EXT2: variants seen among roughly 807,000 people sequenced by gnomAD.
The protein encoded by EXT2 is exostosin-2.
EXT2 carries 53 observed loss-of-function variants against 81.6 expected under a neutral mutation model. The ratio of observed to expected loss-of-function variants is 0.65; its 90% confidence interval spans 0.52 to 0.82. The LOEUF (loss-of-function observed/expected upper bound fraction) is 0.82, where lower values mean the gene tolerates loss of function less well. EXT2 is among the 40% of genes least tolerant of loss of function. EXT2 has a pLI of 0.00. For missense variants in EXT2, 774 were observed against 910.2 expected (o/e 0.85, Z 1.93); for synonymous variants, 320 against 340.0 (o/e 0.94, Z 0.65).
chr11:44,225,123 T>C (rs550924384), intron 10 of EXT2, among the ~76,000 whole-genome samples: 1 of 152,306 alleles, frequency 6.6e-6, no homozygotes, highest in South Asian at 2.1e-4. Flanking sequence ...ACCCACGACC[T>C]GATCCTGACC....
Position 44,248,871 on chromosome 11 carries a change from T to G in EXT2, c.*4584T>G, listed in dbSNP as rs1956117009. 6.6e-6 allele frequency among the ~76,000 whole-genome samples: 1 copy of G among 152,188 alleles called. No homozygotes were observed. Among genetic ancestry groups the G allele is most frequent in the Admixed American group, 6.5e-5 (1 of 15,284 alleles). On this transcript the variant is annotated 3_prime_UTR_variant, in exon 14 of 14. Coordinates refer to ENST00000533608, the MANE Select transcript of EXT2 (RefSeq NM_207122.2). ...AAAGTTTGGCCCCCTCTCCCAAGCT[T>G]CCAGGCCTCTTTCCTTTTCAAGAAA...
At chr11:44,181,868 G>A (rs1251262284) in intron 8 of EXT2, among the ~76,000 whole-genome samples, 2 of 152,188 alleles carry the variant, frequency 1.3e-5, no homozygotes, top group Non-Finnish European at 2.9e-5. Flanking sequence ...TTATTTGAGA[G>A]TGAAGCACTG....
chr11:44,194,047 G>A (rs1164125121), intron 8 of EXT2, among the ~76,000 whole-genome samples: 1 of 152,168 alleles, frequency 6.6e-6, no homozygotes, highest in African/African-American at 2.4e-5. Flanking sequence ...ATGCCTTTCA[G>A]GGCTGCCTCA....
In EXT2 at chr11:44,248,988, GTTTTTGTTT is replaced by G. The variant is rs1956118488; in HGVS notation, c.*4714_*4722del. ...AGTTTTTTTGTTTGTTTGTTTGTTT[GTTTTTGTTT>G]TTTTTGTTTTTTCTTTGGAAACAGA... is the stretch of plus-strand genomic sequence containing the variant. On this transcript the variant is annotated 3_prime_UTR_variant, in exon 14 of 14. Coordinates refer to ENST00000533608, the MANE Select transcript of EXT2 (RefSeq NM_207122.2). Among the ~76,000 whole-genome samples the G allele has an allele frequency of 6.6e-6, 1 of 151,462 alleles. No homozygotes were observed. The highest frequency in any genetic ancestry group is 2.4e-5 in the African/African-American group (1 of 40,994).
At chr11:44,101,497 C>G (rs531390004) in intron 1 of EXT2, among the ~76,000 whole-genome samples, 1 of 152,288 alleles carries the variant, frequency 6.6e-6, no homozygotes, top group East Asian at 1.9e-4. Context: ...TGTCATAGTG[C>G]TAAGGTTAAG....
intron 7 of EXT2, among the ~76,000 whole-genome samples, chr11:44,136,489 A>T (rs1369175528): frequency 6.6e-6 from 1 of 152,174 alleles, no homozygotes; most frequent in Non-Finnish European, 1.5e-5. Flanking sequence ...CTTCCTAACA[A>T]TTCAAGCTAA....
chr11:44,206,027 G>A (rs545973492), intron 9 of EXT2, among the ~76,000 whole-genome samples: 37 of 151,990 alleles, frequency 2.4e-4, no homozygotes, highest in South Asian at 1.5e-3. Context: ...CACGTCATGG[G>A]TTGGTGTTTC....
intron 4 of EXT2, among the ~76,000 whole-genome samples, chr11:44,124,444 TACACACACAC>T (rs57261356): frequency 1.2e-4 from 17 of 145,040 alleles, no homozygotes; most frequent in African/African-American, 4.1e-4. Flanking sequence ...GTTTCTCTCC[TACACACACAC>T]ACACACACAC....
intron 1 of EXT2, among the ~76,000 whole-genome samples, chr11:44,097,108 T>C (rs1953909081): frequency 6.6e-6 from 1 of 152,250 alleles, no homozygotes; most frequent in Admixed American, 6.5e-5. Context: ...TCTGTTGTAC[T>C]ATCCCCATCT....
intron 8 of EXT2, among the ~76,000 whole-genome samples, chr11:44,186,660 TG>T (rs1383340641): frequency 2.0e-5 from 3 of 152,212 alleles, no homozygotes; most frequent in Admixed American, 2.0e-4. Context: ...GGCATTCAAA[TG>T]GGTTTAACCT....
chr11:44,100,697 C>A (rs915688123), intron 1 of EXT2, among the ~76,000 whole-genome samples: 2 of 152,118 alleles, frequency 1.3e-5, no homozygotes, highest in Non-Finnish European at 2.9e-5. Context: ...AGGTCGGGCC[C>A]AGAATTTAAT....
rs1278390881 is a variant in EXT2, at chr11:44,246,230, A to G, written c.*1943A>G. ...AGGTATAGGGGAGGGTCTTACATTG[A>G]AATCTCTGCTGAAAGCTATGGACTG... is the stretch of plus-strand genomic sequence containing the variant. On this transcript the variant is annotated 3_prime_UTR_variant, in exon 14 of 14. Transcript: ENST00000533608. Among the ~76,000 whole-genome samples, 1 of 152,172 alleles carries G rather than the reference A, an allele frequency of 6.6e-6. No homozygotes were observed. Among genetic ancestry groups the G allele is most frequent in the Admixed American group, 6.5e-5 (1 of 15,274 alleles).
chr11:44,135,285 A>G (rs1339061870), intron 7 of EXT2, among the ~76,000 whole-genome samples: 1 of 152,178 alleles, frequency 6.6e-6, no homozygotes, highest in African/African-American at 2.4e-5. Flanking sequence ...CCATAGCCGT[A>G]GTAGTTTGGA....
rs1354405508 is a variant in EXT2 at position 44,119,163 on chromosome 11, TATATATACAC to T, written c.743+4866_743+4875del. ...ATATATATATATATATATATATATA[TATATATACAC>T]ATACACACACACACACACACATTTT... On this transcript the variant is annotated intron_variant, in intron 4 of 13. Transcript: ENST00000533608. Among the ~76,000 whole-genome samples the T allele has an allele frequency of 1.7e-4, 8 of 48,104 alleles. 1 individual carries two copies. Among genetic ancestry groups the T allele is most frequent in the African/African-American group, 4.8e-4 (8 of 16,662 alleles). The allele number at this position is 48,104 out of a possible 152,430, so 31.6% of individuals were successfully genotyped here.
intron 7 of EXT2, among the ~76,000 whole-genome samples, chr11:44,152,592 C>T (rs1323913061): frequency 3.3e-5 from 5 of 152,178 alleles, no homozygotes; most frequent in African/African-American, 1.2e-4. Context: ...CTCAGGTGAT[C>T]TGCCCTCCTC....
chr11:44,110,291 A>C (rs1954124493), intron 3 of EXT2, among the ~76,000 whole-genome samples: 1 of 152,216 alleles, frequency 6.6e-6, no homozygotes, highest in East Asian at 1.9e-4. Flanking sequence ...TGATTATCTA[A>C]AGTCAGTTTT....
At chr11:44,171,565 ACT>A in intron 7 of EXT2, 44 bp from the exon 8 acceptor site, 3 of 1,613,696 alleles carry the variant, frequency 1.9e-6, no homozygotes, top group Non-Finnish European at 2.5e-6. Context: ...TAGTTTTCCC[ACT>A]CTGTCTCGCT....
chr11:44,200,151 TAAAA>T (rs965705996), intron 9 of EXT2, among the ~76,000 whole-genome samples: 23 of 131,906 alleles, frequency 1.7e-4, no homozygotes, highest in African/African-American at 5.9e-4. Flanking sequence ...ATATATATTA[TAAAA>T]AAAAAAAAAA....
chr11:44,124,188 A>G (rs1954360383), intron 4 of EXT2, among the ~76,000 whole-genome samples: 1 of 152,108 alleles, frequency 6.6e-6, no homozygotes, highest in Admixed American at 6.5e-5. Flanking sequence ...TCAACTACCA[A>G]TTCGGTCTCC....
Sources: allele counts gnomAD v4.1 joint callset (sites outside exome capture counted in the v4.1 genomes callset), GRCh38; gene constraint gnomAD v4.1.1; transcripts MANE v1.5; gene names NCBI Gene and HGNC (gene_info 2026-07-23, HGNC 2026-07-21).